Variants in ATP8B4 observed in about 807,000 individuals in gnomAD.
ATP8B4 encodes the protein ATPase phospholipid transporting 8B4 (putative).
ATP8B4 carries 133 observed loss-of-function variants against 145.6 expected under a neutral mutation model. That is an observed-to-expected ratio of 0.91 (90% confidence interval 0.79 to 1.05). The LOEUF (loss-of-function observed/expected upper bound fraction) is 1.05, where lower values mean the gene tolerates loss of function less well. Ranked by LOEUF, ATP8B4 falls within the 50% of genes least tolerant of loss-of-function variation. ATP8B4 has a pLI of 0.00. For missense variants in ATP8B4, 1,458 were observed against 1,425.2 expected (o/e 1.02, Z -0.37); for synonymous variants, 507 against 492.9 (o/e 1.03, Z -0.38).
At chr15:50,166,861 G>A (rs774634491) in intron 1 of ATP8B4, among the ~76,000 whole-genome samples, 46 of 152,250 alleles carry the variant, frequency 3.0e-4, no homozygotes, top group Non-Finnish European at 5.9e-4. Flanking sequence ...TTGGGGGTTG[G>A]AATGTTTCAT....
intron 3 of ATP8B4, among the ~76,000 whole-genome samples, chr15:50,057,555 A>G (rs543387008): frequency 1.3e-5 from 2 of 152,312 alleles, no homozygotes; most frequent in East Asian, 3.9e-4. Flanking sequence ...CATTAATTCA[A>G]TCAGCTGGAG....
chr15:49,867,240 C>T (rs147252118), intron 25 of ATP8B4, among the ~76,000 whole-genome samples: 110 of 152,286 alleles, frequency 7.2e-4, no homozygotes, highest in African/African-American at 2.1e-3. Flanking sequence ...AAGTGATCCA[C>T]GTCCAAGTGA....
intron 13 of ATP8B4, among the ~76,000 whole-genome samples, chr15:49,972,101 A>T (rs1188172527): frequency 6.6e-6 from 1 of 152,174 alleles, no homozygotes; most frequent in Non-Finnish European, 1.5e-5. Flanking sequence ...GGAGGGGAAC[A>T]TCACACACCA....
intron 7 of ATP8B4, chr15:50,009,493 C>G (rs896940926): frequency 1.2e-5 from 4 of 331,542 alleles, no homozygotes; most frequent in African/African-American, 4.4e-5. Context: ...TCTTATTTGA[C>G]ACATGGACAA....
chr15:49,873,387 T>C (rs951189144), intron 25 of ATP8B4, among the ~76,000 whole-genome samples: 1 of 152,172 alleles, frequency 6.6e-6, no homozygotes. Context: ...AGACGCAATC[T>C]AACAGCAACA....
At chr15:49,920,509 C>A (rs1599144477) in intron 17 of ATP8B4, 99 bp from the exon 18 acceptor site, 1 of 1,329,094 alleles carries the variant, frequency 7.5e-7, no homozygotes, top group East Asian at 2.5e-5. Context: ...CACTCAAATT[C>A]ATTTTGTACC....
intron 1 of ATP8B4, among the ~76,000 whole-genome samples, chr15:50,168,738 G>A (rs11070760): frequency 0.97 from 148,207 of 152,290 alleles, 72,270 homozygotes; most frequent in Middle Eastern, 1. Flanking sequence ...GTCAGGGAAG[G>A]ACTAAAGCCC....
At chr15:50,158,757 C>T (rs1431112973) in intron 1 of ATP8B4, among the ~76,000 whole-genome samples, 1 of 152,250 alleles carries the variant, frequency 6.6e-6, no homozygotes, top group Admixed American at 6.5e-5. Flanking sequence ...TTGTTCTGTA[C>T]TAAGAAAAAT....
At chr15:50,093,812 C>T (rs1248880588) in intron 2 of ATP8B4, among the ~76,000 whole-genome samples, 2 of 151,958 alleles carry the variant, frequency 1.3e-5, no homozygotes, top group Non-Finnish European at 2.9e-5. Context: ...TAACATGCAA[C>T]ATTAACCATA....
chr15:49,946,608 T>C (rs999949412), intron 14 of ATP8B4, among the ~76,000 whole-genome samples: 2 of 152,216 alleles, frequency 1.3e-5, no homozygotes, highest in Non-Finnish European at 2.9e-5. Flanking sequence ...AATCCTTTTT[T>C]TTTTTTTAAA....
chr15:50,012,299 G>T (rs934533014), intron 6 of ATP8B4, among the ~76,000 whole-genome samples: 1 of 152,170 alleles, frequency 6.6e-6, no homozygotes, highest in Non-Finnish European at 1.5e-5. Flanking sequence ...TGAGTGGACA[G>T]AGAAGGCTAT....
intron 26 of ATP8B4, among the ~76,000 whole-genome samples, chr15:49,865,003 T>C (rs1002488796): frequency 2.6e-5 from 4 of 152,242 alleles, no homozygotes; most frequent in African/African-American, 9.6e-5. Context: ...ATGTGTCTTT[T>C]TATTTGTTAA....
chr15:49,996,849 A>C, intron 8 of ATP8B4, 90 bp from the exon 9 acceptor site: 1 of 930,060 alleles, frequency 1.1e-6, no homozygotes. Context: ...GCACATGCAA[A>C]GCCAAACCCA....
intron 1 of ATP8B4, among the ~76,000 whole-genome samples, chr15:50,172,994 GCCCCGTCCGGGAGGTGGGGGGCAGC>G (rs2044706212): frequency 6.7e-6 from 1 of 148,778 alleles, no homozygotes; most frequent in Non-Finnish European, 1.5e-5. Flanking sequence ...CCGGCCAGCC[GCCCCGTCCGGGAGGTGGGGGGCAGC>G]CCCCATCCGG....
At chr15:50,141,870 T>G (rs2044217231) in intron 1 of ATP8B4, among the ~76,000 whole-genome samples, 1 of 152,126 alleles carries the variant, frequency 6.6e-6, no homozygotes, top group African/African-American at 2.4e-5. Context: ...CACAACATAT[T>G]TCCCTGAACA....
chr15:50,027,372 T>G (rs2050084664), intron 6 of ATP8B4, among the ~76,000 whole-genome samples: 1 of 149,458 alleles, frequency 6.7e-6, no homozygotes, highest in Non-Finnish European at 1.5e-5. Context: ...AAATATGGGA[T>G]GGATGGGTGG....
At chr15:50,172,809 A>G (rs548385218) in intron 1 of ATP8B4, among the ~76,000 whole-genome samples, 2,193 of 141,916 alleles carry the variant, frequency 0.015, 58 homozygotes, top group African/African-American at 0.055. Flanking sequence ...TGTCTGGGAA[A>G]TGAGGAGTGT....
intron 1 of ATP8B4, among the ~76,000 whole-genome samples, chr15:50,131,590 A>G (rs2044047821): frequency 6.6e-6 from 1 of 152,172 alleles, no homozygotes; most frequent in Admixed American, 6.5e-5. Flanking sequence ...TGCTAGAAAT[A>G]TAAGCTCTAG....
At chr15:50,069,613 A>G (rs1291281249) in intron 3 of ATP8B4, among the ~76,000 whole-genome samples, 1 of 152,216 alleles carries the variant, frequency 6.6e-6, no homozygotes, top group Non-Finnish European at 1.5e-5. Context: ...TTTAGAATAT[A>G]AGAACTTTAC....
Sources: gnomAD v4.1 joint callset for allele counts (sites outside exome capture counted in the v4.1 genomes callset) on GRCh38, gnomAD v4.1.1 for gene constraint, MANE v1.5 for transcripts, NCBI Gene and HGNC (gene_info 2026-07-23, HGNC 2026-07-21) for gene names.